Variants in TMPRSS15 observed in about 807,000 individuals in gnomAD.
The protein encoded by TMPRSS15 is enteropeptidase.
TMPRSS15 carries 128 observed loss-of-function variants against 125.3 expected under a neutral mutation model. That is an observed-to-expected ratio of 1.02 (90% CI 0.89 to 1.18). TMPRSS15 has a LOEUF of 1.18. TMPRSS15 is among the 50% of genes most tolerant of loss of function. The pLI is 0.00. For synonymous variants in TMPRSS15, 446 were observed against 423.2 expected, an observed-to-expected ratio of 1.05 and a Z score of -0.66; for missense variants, 1,283 against 1,212.7, an observed-to-expected ratio of 1.06 and a Z score of -0.86.
chr21:18,319,182 G>A (rs1441676216), intron 16 of TMPRSS15, among the ~76,000 whole-genome samples: 1 of 152,106 alleles, frequency 6.6e-6, no homozygotes, highest in African/African-American at 2.4e-5. Flanking sequence ...GACCTTGGTT[G>A]AAGGTGCAAT....
At chr21:18,475,198 C>T (rs369898396) in intron 1 of TMPRSS15, among the ~76,000 whole-genome samples, 3 of 152,116 alleles carry the variant, frequency 2.0e-5, no homozygotes, top group East Asian at 3.9e-4. Context: ...ATGCCAATCC[C>T]AAACTACTCC....
chr21:18,474,133 T>TTA (rs199931809), intron 1 of TMPRSS15, among the ~76,000 whole-genome samples: 53 of 151,858 alleles, frequency 3.5e-4, no homozygotes, highest in Middle Eastern at 6.8e-3. Flanking sequence ...TCCATATATG[T>TTA]TATATATATA....
intron 18 of TMPRSS15, among the ~76,000 whole-genome samples, chr21:18,309,444 A>G (rs1240770259): frequency 2.6e-5 from 4 of 152,214 alleles, no homozygotes; most frequent in Non-Finnish European, 4.4e-5. Context: ...GCACAGCAAA[A>G]GAAACTATCA....
chr21:18,354,138 T>C (rs1045227091), intron 8 of TMPRSS15, among the ~76,000 whole-genome samples: 2 of 151,864 alleles, frequency 1.3e-5, no homozygotes, highest in South Asian at 2.1e-4. Context: ...ATGCACTATA[T>C]ATACATAGAA....
chr21:18,274,586 G>T (rs574928074), intron 24 of TMPRSS15, among the ~76,000 whole-genome samples: 85 of 152,240 alleles, frequency 5.6e-4, no homozygotes, highest in African/African-American at 1.9e-3. Flanking sequence ...GCAAGTTCAA[G>T]TTACTACATT....
intron 22 of TMPRSS15, among the ~76,000 whole-genome samples, chr21:18,279,311 CTTTTTTTTTTTTTTTT>C (rs71189593): frequency 5.3e-4 from 22 of 41,126 alleles, no homozygotes; most frequent in East Asian, 3.3e-3. Flanking sequence ...CCTCGTTACT[CTTTTTTTTTTTTTTTT>C]TTTTTTTTTT....
intron 1 of TMPRSS15, among the ~76,000 whole-genome samples, chr21:18,445,423 C>T (rs891779048): frequency 6.6e-6 from 1 of 152,046 alleles, no homozygotes; most frequent in African/African-American, 2.4e-5. Context: ...TCAAGTGATC[C>T]ACCCACCTCG....
At chr21:18,307,479 A>C (rs1448795972) in intron 18 of TMPRSS15, among the ~76,000 whole-genome samples, 1 of 152,138 alleles carries the variant, frequency 6.6e-6, no homozygotes, top group Admixed American at 6.5e-5. Flanking sequence ...TTTTCTAGAA[A>C]GCCTTCCTTG....
chr21:18,330,959 G>A (rs2075338786), intron 14 of TMPRSS15, among the ~76,000 whole-genome samples: 1 of 151,232 alleles, frequency 6.6e-6, no homozygotes, highest in African/African-American at 2.4e-5. Flanking sequence ...TGTAGTCCCA[G>A]CTACTCGGGA....
In TMPRSS15 at chr21:18,398,318, C is replaced by G; in HGVS notation, c.157G>C (p.Gly53Arg). The change falls in exon 2 of 25, where the codon GGA (glycine) becomes CGA (arginine). Residue 53 changes from glycine to arginine, a missense_variant. Coordinates refer to ENST00000284885, the MANE Select transcript of TMPRSS15 (RefSeq NM_002772.3). The part of the protein sequence containing the change: ...IKESQRGAAL[G>R]QSHEARATFK... ...GTCGCTCTGGCTTCATGACTCTGTC[C>G]AAGTGCTGCACCTAGATAAATTAAT... 1 of 1,613,600 alleles carries G rather than the reference C, an allele frequency of 6.2e-7. No homozygotes were observed.
intron 7 of TMPRSS15, among the ~76,000 whole-genome samples, chr21:18,360,650 CT>C (rs2075671840): frequency 6.6e-6 from 1 of 151,948 alleles, no homozygotes; most frequent in Non-Finnish European, 1.5e-5. Context: ...ATGTGTTTGT[CT>C]TTTTGCCAGT....
intron 16 of TMPRSS15, among the ~76,000 whole-genome samples, chr21:18,325,989 T>TG (rs2075285232): frequency 6.6e-6 from 1 of 152,106 alleles, no homozygotes; most frequent in African/African-American, 2.4e-5. Flanking sequence ...TGCTTTACTC[T>TG]GGTTGTCTCC....
intron 1 of TMPRSS15, among the ~76,000 whole-genome samples, chr21:18,461,211 T>C (rs1978544778): frequency 2.0e-5 from 3 of 152,180 alleles, no homozygotes; most frequent in Admixed American, 6.6e-5. Flanking sequence ...ACAGACCACC[T>C]GCTACCCATT....
intron 1 of TMPRSS15, among the ~76,000 whole-genome samples, chr21:18,452,150 G>C (rs530053805): frequency 2.6e-4 from 40 of 152,212 alleles, no homozygotes; most frequent in African/African-American, 7.2e-4. Context: ...ATGTTTATGT[G>C]ATGGCACCTG....
In TMPRSS15 at chr21:18,281,074, G is replaced by T; in HGVS notation, c.2634C>A (p.Ala878=). The T allele has an allele frequency of 2.5e-6, 4 of 1,613,796 alleles. No homozygotes were observed. In the South Asian group the frequency reaches 3.3e-5, roughly 13 times the overall value. The part of the protein sequence containing the change: ...YNRRRKDNDI[A]MMHLEFKVNY... ...TCACTTTAAATTCCAGATGCATCATGGCAATGTCGTTGTCCTTTCTTCGCC... is the reference window on the plus strand; with the variant it reads ...TCACTTTAAATTCCAGATGCATCATTGCAATGTCGTTGTCCTTTCTTCGCC... Residue 878 remains alanine, a synonymous_variant, in exon 22 of 25, where the codon GCC becomes GCA. Transcript: ENST00000284885.
intron 1 of TMPRSS15, among the ~76,000 whole-genome samples, chr21:18,464,172 CAAAAAAA>C (rs1163284712): frequency 4.3e-4 from 16 of 37,184 alleles, no homozygotes; most frequent in Non-Finnish European, 7.0e-4. Flanking sequence ...GACTCCGTCT[CAAAAAAA>C]AAAAAAAAAA....
At chr21:18,417,870 CACAT>C (rs923011551) in intron 1 of TMPRSS15, among the ~76,000 whole-genome samples, 269 of 152,300 alleles carry the variant, frequency 1.8e-3, no homozygotes, top group African/African-American at 6.2e-3. Context: ...CACACATACA[CACAT>C]ACACATTCAT....
In TMPRSS15 at chr21:18,460,589, C is replaced by T. The variant is rs566132995; in HGVS notation, c.10+25210G>A. ...TGGCTCACCCGATTGTGGAGGCTAGCAAATGCAAACTCTGCAGGGTGGGCT... is the reference window on the plus strand; with the variant it reads ...TGGCTCACCCGATTGTGGAGGCTAGTAAATGCAAACTCTGCAGGGTGGGCT... On this transcript the variant is annotated intron_variant, in intron 1 of 7. Coordinates refer to the TMPRSS15 transcript ENST00000422787. 3 of 152,274 alleles carry T rather than the reference C, an allele frequency of 2.0e-5. No individual in the cohort carries two copies. The East Asian group carries it at 5.8e-4, about 29-fold the overall frequency. 9.4% of individuals were successfully genotyped at this position (152,274 alleles called of 1,614,324 possible). A position where few individuals can be genotyped will look rare whatever the true frequency, so the allele number is the denominator to read the frequency against.
intron 8 of TMPRSS15, among the ~76,000 whole-genome samples, chr21:18,357,508 C>T (rs1306242984): frequency 6.6e-6 from 1 of 151,628 alleles, no homozygotes; most frequent in African/African-American, 2.4e-5. Context: ...ATCCCACTTA[C>T]CCTAAGTAAA....
Sources: allele counts gnomAD v4.1 joint callset (sites outside exome capture counted in the v4.1 genomes callset), GRCh38; gene constraint gnomAD v4.1.1; transcripts MANE v1.5; gene names NCBI Gene and HGNC (gene_info 2026-07-23, HGNC 2026-07-21).